The following NAA50 variants were observed in gnomAD, a reference collection of about 807,000 sequenced individuals.
The protein encoded by NAA50 is N-alpha-acetyltransferase 50, NatE catalytic subunit.
Under a neutral mutation model 20.7 loss-of-function variants are expected in NAA50, and 7 were observed. That is an observed-to-expected ratio of 0.34 (90% CI 0.19 to 0.63). The LOEUF is 0.63. Ranked by LOEUF, NAA50 falls within the 30% of genes least tolerant of loss-of-function variation. The pLI, the probability that NAA50 is intolerant of heterozygous loss-of-function variation, is 0.75. For synonymous variants in NAA50, 54 were observed against 70.6 expected, an observed-to-expected ratio of 0.77 and a Z score of 1.18; for missense variants, 111 against 199.1, an observed-to-expected ratio of 0.56 and a Z score of 2.66.
chr3:113,721,631 GAAGA>G lies in NAA50; in HGVS notation c.*125_*128del. 3.3e-6 allele frequency: 3 copies of G among 915,866 alleles called. No individual in the cohort carries two copies. The highest frequency in any genetic ancestry group is 2.6e-5 in the Admixed American group (1 of 38,700). 56.7% of individuals were successfully genotyped at this position (915,866 alleles called of 1,614,324 possible). On this transcript the variant is annotated 3_prime_UTR_variant, in exon 5 of 5. Coordinates refer to ENST00000240922, the MANE Select transcript of NAA50 (RefSeq NM_025146.4). ...TTAAAACTCTCAGAGAAAAGGAAAG[GAAGA>G]AAGAAAAACAAGAACAAGGAGGGAG...
intron 1 of NAA50, among the ~76,000 whole-genome samples, chr3:113,735,563 G>A (rs750467150): frequency 1.3e-5 from 2 of 152,204 alleles, no homozygotes; most frequent in African/African-American, 2.4e-5. Context: ...GTAATATGAT[G>A]TAACAATGTA....
chr3:113,727,610 A>C (rs1414719153), intron 1 of NAA50, among the ~76,000 whole-genome samples: 4 of 152,032 alleles, frequency 2.6e-5, no homozygotes, highest in Non-Finnish European at 5.9e-5. Context: ...TCTTCCCCTA[A>C]CTAATTAAAA....
At chr3:113,722,823 G>T in intron 4 of NAA50, 83 bp downstream of exon 4, 1 of 1,413,256 alleles carries the variant, frequency 7.1e-7, no homozygotes, top group South Asian at 1.4e-5. Context: ...CACAATAAGT[G>T]ACCAGATTTT....
In NAA50 at chr3:113,721,332, T is replaced by G. The variant is rs1192564237; in HGVS notation, c.*428A>C. Reference sequence around the variant, plus strand: ...TCCCAAAGTGTTTAAAAACCCAAAGTACCACAAACACACTCAACTTGTCTA... The same window carrying G: ...TCCCAAAGTGTTTAAAAACCCAAAGGACCACAAACACACTCAACTTGTCTA... On this transcript the variant is annotated 3_prime_UTR_variant, in exon 5 of 5. Coordinates refer to ENST00000240922, the MANE Select transcript of NAA50 (RefSeq NM_025146.4). The G allele has an allele frequency of 5.5e-6, 1 of 182,376 alleles. No individual in the cohort carries two copies. The highest frequency in any genetic ancestry group is 1.1e-5 in the Non-Finnish European group (1 of 88,526). 11.3% of individuals were successfully genotyped at this position (182,376 alleles called of 1,614,324 possible).
At chr3:113,737,493 T>C (rs1708359690) in intron 1 of NAA50, among the ~76,000 whole-genome samples, 1 of 152,242 alleles carries the variant, frequency 6.6e-6, no homozygotes, top group Admixed American at 6.5e-5. Flanking sequence ...GATTTCTACC[T>C]CATATGAACT....
intron 1 of NAA50, among the ~76,000 whole-genome samples, chr3:113,739,940 A>C (rs1263202826): frequency 6.6e-6 from 1 of 152,254 alleles, no homozygotes; most frequent in African/African-American, 2.4e-5. Context: ...AACAAAAAAA[A>C]GTTTAGTATT....
intron 1 of NAA50, among the ~76,000 whole-genome samples, chr3:113,738,119 CA>C (rs1438903328): frequency 6.6e-6 from 1 of 152,192 alleles, no homozygotes; most frequent in Admixed American, 6.5e-5. Context: ...ATAAAAATCT[CA>C]GCAATTATAT....
intron 3 of NAA50, 149 bp downstream of exon 3, chr3:113,723,273 A>G: frequency 1.2e-6 from 1 of 800,854 alleles, no homozygotes; most frequent in South Asian, 2.2e-5. Context: ...GTTAATAAAC[A>G]CTAGTTATTT....
chr3:113,727,036 C>T (rs1473780155), intron 1 of NAA50, among the ~76,000 whole-genome samples: 3 of 152,190 alleles, frequency 2.0e-5, no homozygotes, highest in Non-Finnish European at 4.4e-5. Flanking sequence ...AAGTGATCCG[C>T]CCACCTTGGC....
At chr3:113,742,152 GGAA>G (rs770357932) in intron 1 of NAA50, among the ~76,000 whole-genome samples, 35 of 152,164 alleles carry the variant, frequency 2.3e-4, no homozygotes, top group Non-Finnish European at 4.4e-4. Flanking sequence ...TTTCACAGAA[GGAA>G]GAAGTATAAA....
chr3:113,741,313 C>T (rs1383311920), intron 1 of NAA50: 4 of 340,634 alleles, frequency 1.2e-5, no homozygotes, highest in Non-Finnish European at 2.3e-5. Flanking sequence ...ACTGCTCAAT[C>T]GCCAACTGTA....
chr3:113,740,856 T>C, intron 1 of NAA50: 2 of 302,026 alleles, frequency 6.6e-6, no homozygotes, highest in Admixed American at 7.3e-5. Context: ...CTATGTTTAC[T>C]AATGGCTTCC....
intron 1 of NAA50, among the ~76,000 whole-genome samples, chr3:113,725,720 T>C (rs564033067): frequency 1.6e-4 from 25 of 152,272 alleles, no homozygotes; most frequent in African/African-American, 5.1e-4. Flanking sequence ...AAGCTATGAT[T>C]GTGTACCATT....
intron 1 of NAA50, among the ~76,000 whole-genome samples, chr3:113,730,456 G>GAAA (rs533152807): frequency 2.1e-5 from 3 of 140,202 alleles, no homozygotes; most frequent in Non-Finnish European, 4.7e-5. Flanking sequence ...AAAAAAAAAA[G>GAAA]AAAAAAAAAA....
In NAA50 at chr3:113,721,748, T is replaced by C. The variant is rs370663148; in HGVS notation, c.*12A>G. 1 of 1,613,538 alleles carries C rather than the reference T, an allele frequency of 6.2e-7. No homozygotes were observed. Among genetic ancestry groups the C allele is most frequent in the Non-Finnish European group, 8.5e-7 (1 of 1,179,674 alleles). ...CGACAAGCAAGTGCAAGAAAGTTCA[T>C]TTGTAATTTGTTCAGTTGTCTGTCT... is the stretch of plus-strand genomic sequence containing the variant. On this transcript the variant is annotated 3_prime_UTR_variant, in exon 5 of 5. Coordinates refer to ENST00000240922, the MANE Select transcript of NAA50 (RefSeq NM_025146.4).
intron 1 of NAA50, among the ~76,000 whole-genome samples, chr3:113,738,419 T>G (rs1430345121): frequency 6.6e-6 from 1 of 152,244 alleles, no homozygotes; most frequent in African/African-American, 2.4e-5. Flanking sequence ...CATAAGAAAT[T>G]AGAACTACCT....
At position 113,721,914 on chromosome 3, in the gene NAA50, G is replaced by A. The variant is rs374332039; in HGVS notation, c.356C>T (p.Ser119Leu). Residue 119 changes from serine (S) to leucine (L), a missense_variant, in exon 5 of 5, where the codon TCG becomes TTG. Physicochemically the swap from Ser to Leu is moderately radical, Grantham distance 145. Transcript: ENST00000240922. ...IYLHVQISNESAIDFYRKFGF... is the reference protein window; with the variant it reads ...IYLHVQISNELAIDFYRKFGF... ...AAACTTCCTGTAGAAGTCAATTGCC[G>A]ACTCATTGCTGATCTGGACATGCCT... The A allele has an allele frequency of 6.2e-7, 1 of 1,613,492 alleles. No individual in the cohort carries two copies. The highest frequency in any genetic ancestry group is 1.3e-5 in the African/African-American group (1 of 74,840).
intron 1 of NAA50, among the ~76,000 whole-genome samples, chr3:113,737,823 G>A (rs1156882769): frequency 6.6e-6 from 1 of 152,064 alleles, no homozygotes; most frequent in African/African-American, 2.4e-5. Context: ...AACCAAAAGT[G>A]TCTTCAGACA....
intron 1 of NAA50, 107 bp downstream of exon 1, chr3:113,745,835 C>T: frequency 7.7e-7 from 1 of 1,301,404 alleles, no homozygotes; most frequent in Non-Finnish European, 1.0e-6. Flanking sequence ...TCTCCCTCCG[C>T]CCGTCTTCGC....
Sources: gnomAD v4.1 joint callset for allele counts (sites outside exome capture counted in the v4.1 genomes callset) on GRCh38, gnomAD v4.1.1 for gene constraint, MANE v1.5 for transcripts, NCBI Gene and HGNC (gene_info 2026-07-23, HGNC 2026-07-21) for gene names.